RCAN2: variants seen among roughly 807,000 people sequenced by gnomAD.
RCAN2 encodes regulator of calcineurin 2.
Under a neutral mutation model 23.6 loss-of-function variants are expected in RCAN2, and 9 were observed. That is an observed-to-expected ratio of 0.38 (90% CI 0.23 to 0.67). The LOEUF is 0.67. RCAN2 is among the 30% of genes least tolerant of loss of function. RCAN2 has a pLI of 0.51. For synonymous variants in RCAN2, 109 were observed against 115.7 expected, an observed-to-expected ratio of 0.94 and a Z score of 0.37; for missense variants, 273 against 302.3, an observed-to-expected ratio of 0.90 and a Z score of 0.72.
At chr6:46,239,943 C>T (rs1488783886) in intron 4 of RCAN2, among the ~76,000 whole-genome samples, 4 of 151,988 alleles carry the variant, frequency 2.6e-5, no homozygotes, top group African/African-American at 4.8e-5. Flanking sequence ...AGCAGAATCC[C>T]GGAGGGAAGG....
intron 2 of RCAN2, among the ~76,000 whole-genome samples, chr6:46,361,025 A>G (rs908964123): frequency 1.3e-5 from 2 of 150,598 alleles, no homozygotes; most frequent in African/African-American, 4.8e-5. Flanking sequence ...TTTTATGTCT[A>G]AACATCTGGA....
Position 46,432,291 on chromosome 6 carries a change from A to G in RCAN2, c.225+24461T>C, listed in dbSNP as rs138592492. ...TGCAATAGTGCAATCTCGGCTCACC[A>G]CAACCTCTGCCTCCCTGGTTCAAGC... On this transcript the variant is annotated intron_variant, in intron 2 of 4. Coordinates refer to ENST00000371374, the MANE Select transcript of RCAN2 (RefSeq NM_001251974.2). Among the ~76,000 whole-genome samples, 1,516 of 152,076 alleles carry G rather than the reference A, an allele frequency of 1.0e-2. 19 individuals carry two copies. The highest frequency in any genetic ancestry group is 0.035 in the African/African-American group (1,432 of 41,500).
chr6:46,316,506 T>G (rs1006565794), intron 2 of RCAN2, among the ~76,000 whole-genome samples: 1 of 152,154 alleles, frequency 6.6e-6, no homozygotes, highest in African/African-American at 2.4e-5. Flanking sequence ...AAAGGAAGCC[T>G]CTTTAGAGGT....
chr6:46,408,699 C>A (rs1332816507), intron 2 of RCAN2, among the ~76,000 whole-genome samples: 1 of 152,078 alleles, frequency 6.6e-6, no homozygotes, highest in Non-Finnish European at 1.5e-5. Flanking sequence ...AGTTATCCAA[C>A]CACCATGAAT....
chr6:46,437,561 GT>G (rs1260478893), intron 2 of RCAN2, among the ~76,000 whole-genome samples: 17 of 152,196 alleles, frequency 1.1e-4, no homozygotes, highest in African/African-American at 3.6e-4. Flanking sequence ...TACAGTTGTT[GT>G]TTCCAGCTAT....
rs976952871 is a variant in RCAN2 at position 46,222,965 on chromosome 6, A to G, written c.*176T>C. ...ATGGGTTATACTTAATGGGTATGAT[A>G]TGATCAGGAGACATATCACCTTTTC... is the stretch of plus-strand genomic sequence containing the variant. On this transcript the variant is annotated 3_prime_UTR_variant, in exon 5 of 5. Transcript: ENST00000371374. 24 of 647,246 alleles carry G rather than the reference A, an allele frequency of 3.7e-5. No individual in the cohort carries two copies. In the African/African-American group the frequency reaches 4.2e-4, roughly 11 times the overall value. 40.1% of individuals were successfully genotyped at this position (647,246 alleles called of 1,614,324 possible).
rs555117054 is a variant in RCAN2 at position 46,405,673 on chromosome 6, C to T, written c.225+51079G>A. ...AGCTAGACATAAAGACTCCATGTCC[C>T]CACCAGACTCAGGAGCCCAGCTGGC... On this transcript the variant is annotated intron_variant, in intron 2 of 4. Transcript: ENST00000371374. 7.9e-5 allele frequency among the ~76,000 whole-genome samples: 12 copies of T among 152,344 alleles called. No homozygotes were observed. In the South Asian group the frequency reaches 2.5e-3, roughly 32 times the overall value.
At chr6:46,421,465 G>A (rs1766888896) in intron 2 of RCAN2, among the ~76,000 whole-genome samples, 1 of 152,196 alleles carries the variant, frequency 6.6e-6, no homozygotes, top group East Asian at 1.9e-4. Flanking sequence ...GTAATTTAGG[G>A]TGAAAGATAA....
chr6:46,395,827 G>T (rs750245393), intron 2 of RCAN2, among the ~76,000 whole-genome samples: 4 of 152,016 alleles, frequency 2.6e-5, no homozygotes, highest in South Asian at 2.1e-4. Context: ...CAACATATGA[G>T]ACCTGGCCAC....
At chr6:46,240,073 G>A (rs868765456) in intron 4 of RCAN2, among the ~76,000 whole-genome samples, 1 of 152,288 alleles carries the variant, frequency 6.6e-6, no homozygotes, top group Non-Finnish European at 1.5e-5. Context: ...CGGAGATGAA[G>A]AAAGGGGGAG....
chr6:46,464,414 G>A (rs1202665176), intron 1 of RCAN2, among the ~76,000 whole-genome samples: 2 of 151,972 alleles, frequency 1.3e-5, no homozygotes. Flanking sequence ...TTTTGGTCTG[G>A]CTTTAGAAGT....
chr6:46,294,374 TTA>T (rs1263096811), intron 2 of RCAN2, among the ~76,000 whole-genome samples: 2 of 152,180 alleles, frequency 1.3e-5, no homozygotes, highest in Non-Finnish European at 2.9e-5. Flanking sequence ...GAATAATTTG[TTA>T]TCTCTTTTCT....
rs565694242 is a variant in RCAN2 at position 46,251,029 on chromosome 6, G to T, written c.226-2133C>A. ...TTTATACCAGTCCAAGGACCCCAAA[G>T]AATACAATAAAAGCTTTTGCTTTTT... is the stretch of plus-strand genomic sequence containing the variant. On this transcript the variant is annotated intron_variant, in intron 2 of 4. Coordinates refer to ENST00000371374, the MANE Select transcript of RCAN2 (RefSeq NM_001251974.2). 2.2e-3 allele frequency among the ~76,000 whole-genome samples: 336 copies of T among 152,294 alleles called. 1 individual carries two copies. The highest frequency in any genetic ancestry group is 3.4e-3 in the Middle Eastern group (1 of 294).
At chr6:46,464,651 T>C (rs1410704757) in intron 1 of RCAN2, among the ~76,000 whole-genome samples, 3 of 152,226 alleles carry the variant, frequency 2.0e-5, no homozygotes, top group Non-Finnish European at 4.4e-5. Context: ...GGAACCTATT[T>C]AATTCAGCTG....
chr6:46,380,711 C>T (rs1765597627), intron 2 of RCAN2, among the ~76,000 whole-genome samples: 1 of 152,182 alleles, frequency 6.6e-6, no homozygotes, highest in South Asian at 2.1e-4. Context: ...CCAGCTATGA[C>T]ACATAATCTT....
intron 1 of RCAN2, among the ~76,000 whole-genome samples, chr6:46,461,345 C>T (rs2150435517): frequency 6.6e-6 from 1 of 152,276 alleles, no homozygotes; most frequent in Admixed American, 6.5e-5. Context: ...ATAATTTAAT[C>T]ACTCTTCTGT....
intron 1 of RCAN2, chr6:46,468,774 G>T: frequency 1.0e-6 from 1 of 978,576 alleles, no homozygotes; most frequent in Non-Finnish European, 1.2e-6. Flanking sequence ...CTCTCTCTCC[G>T]CTAGATGTTC....
intron 2 of RCAN2, among the ~76,000 whole-genome samples, chr6:46,451,168 T>C (rs1767872961): frequency 1.3e-5 from 2 of 152,152 alleles, no homozygotes; most frequent in Non-Finnish European, 2.9e-5. Context: ...AAATTCATTC[T>C]TCTCTTTGAA....
rs373371620 is a variant in RCAN2, at chr6:46,336,687, G to A, written c.226-87791C>T. Among the ~76,000 whole-genome samples, 7 of 152,306 alleles carry A rather than the reference G, an allele frequency of 4.6e-5. No individual in the cohort carries two copies. In the East Asian group the frequency reaches 9.6e-4, roughly 21 times the overall value. Reference sequence around the variant, plus strand: ...GAGTGGGCATATTGCATCCAGTAAGGTATGTGAATCTATCAAAAGTTCTTG... The same window carrying A: ...GAGTGGGCATATTGCATCCAGTAAGATATGTGAATCTATCAAAAGTTCTTG... On this transcript the variant is annotated intron_variant, in intron 2 of 4. Transcript: ENST00000371374.
Sources: allele counts gnomAD v4.1 joint callset (sites outside exome capture counted in the v4.1 genomes callset), GRCh38; gene constraint gnomAD v4.1.1; transcripts MANE v1.5; gene names NCBI Gene and HGNC (gene_info 2026-07-23, HGNC 2026-07-21).